The following CFLAR variants were observed in gnomAD, a reference collection of about 807,000 sequenced individuals.
CFLAR encodes the protein CASP8 and FADD-like apoptosis regulator.
A neutral mutation model predicts 51.1 loss-of-function variants in CFLAR; 14 were observed. The ratio of observed to expected loss-of-function variants is 0.27; its 90% CI spans 0.18 to 0.43. CFLAR has a LOEUF of 0.43. CFLAR is among the 20% of genes least tolerant of loss of function. The pLI, the probability that CFLAR is intolerant of heterozygous loss-of-function variation, is 1.00. For synonymous variants in CFLAR, 210 were observed against 211.6 expected, an observed-to-expected ratio of 0.99 and a Z score of 0.06; for missense variants, 390 against 566.5, an observed-to-expected ratio of 0.69 and a Z score of 3.16.
chr2:201,135,204 C>G (rs2049938003), intron 3 of CFLAR, among the ~76,000 whole-genome samples: 1 of 152,162 alleles, frequency 6.6e-6, no homozygotes, highest in Non-Finnish European at 1.5e-5. Context: ...AGTTGGAAGG[C>G]CCAATATTGA....
At chr2:201,163,691 G>A in intron 9 of CFLAR, 144 bp from the exon 10 acceptor site, 1 of 1,447,136 alleles carries the variant, frequency 6.9e-7, no homozygotes, top group South Asian at 1.5e-5. Flanking sequence ...AGTTAGTTTG[G>A]ATCATTTGCT....
chr2:201,159,167 T>A (rs1183577683), intron 8 of CFLAR, among the ~76,000 whole-genome samples: 1 of 151,606 alleles, frequency 6.6e-6, no homozygotes, highest in Non-Finnish European at 1.5e-5. Flanking sequence ...TGTGAGCCAC[T>A]GGGGCTGGTT....
chr2:201,143,828 G>C (rs2125806389), intron 5 of CFLAR, among the ~76,000 whole-genome samples: 1 of 152,204 alleles, frequency 6.6e-6, no homozygotes, highest in East Asian at 1.9e-4. Context: ...CAGGCGCAGT[G>C]GCAGGCGCCT....
At chr2:201,126,094 G>A (rs2048676434) in intron 1 of CFLAR, among the ~76,000 whole-genome samples, 1 of 151,890 alleles carries the variant, frequency 6.6e-6, no homozygotes, top group Non-Finnish European at 1.5e-5. Flanking sequence ...TTAAGAGTCC[G>A]TTTATTTAGC....
rs975196372 is a variant in CFLAR at position 201,166,482 on chromosome 2, G to A, written c.*2509G>A. On this transcript the variant is annotated 3_prime_UTR_variant, in exon 10 of 10. Coordinates refer to ENST00000309955, the MANE Select transcript of CFLAR (RefSeq NM_003879.7). ...AGAGAAGCTCCTCACATCCCAGACG[G>A]GGGGGCGGGGCAGAGGCGCTCCCCA... 1.7e-5 allele frequency: 3 copies of A among 172,160 alleles called. No individual in the cohort carries two copies. Among genetic ancestry groups the A allele is most frequent in the Non-Finnish European group, 3.7e-5 (3 of 80,412 alleles). The allele number at this position is 172,160 out of a possible 1,614,324, so 10.7% of individuals were successfully genotyped here. A position where few individuals can be genotyped will look rare whatever the true frequency, so the allele number is the denominator to read the frequency against.
chr2:201,130,187 G>GGGGGGGGGT, intron 2 of CFLAR, 41 bp downstream of exon 2: 1 of 292,394 alleles, frequency 3.4e-6, no homozygotes. Flanking sequence ...GGGTGGGAGG[G>GGGGGGGGGT]AGTGAAGTGT....
chr2:201,123,740 CTGT>C (rs2048414397), intron 1 of CFLAR, among the ~76,000 whole-genome samples: 1 of 152,176 alleles, frequency 6.6e-6, no homozygotes, highest in African/African-American at 2.4e-5. Context: ...CTGGGATCAT[CTGT>C]TGTTCTGCAC....
chr2:201,132,969 A>C, intron 2 of CFLAR, 60 bp from the exon 3 acceptor site: 1 of 1,568,424 alleles, frequency 6.4e-7, no homozygotes, highest in South Asian at 1.1e-5. Flanking sequence ...AGGCGTGGGC[A>C]CTTGGAGTTG....
intron 9 of CFLAR, among the ~76,000 whole-genome samples, chr2:201,161,472 GGC>G: frequency 6.8e-6 from 1 of 146,472 alleles, no homozygotes; most frequent in Non-Finnish European, 1.5e-5. Context: ...GGAGTGCATT[GGC>G]GCAATCTTGG....
At chr2:201,155,848 C>G (rs978006807) in intron 8 of CFLAR, among the ~76,000 whole-genome samples, 3 of 152,062 alleles carry the variant, frequency 2.0e-5, no homozygotes, top group African/African-American at 7.2e-5. Context: ...TGGTCTCAAA[C>G]TTCTGGGCTG....
intron 2 of CFLAR, among the ~76,000 whole-genome samples, chr2:201,130,557 G>C (rs2049194444): frequency 6.6e-6 from 1 of 151,412 alleles, no homozygotes; most frequent in African/African-American, 2.4e-5. Flanking sequence ...GTGGAGACGG[G>C]GTTTCACCAT....
rs1183161052 is a variant in CFLAR at position 201,138,971 on chromosome 2, C to T, written c.524-1386C>T. On this transcript the variant is annotated intron_variant, in intron 4 of 9. Transcript: ENST00000309955. This position sits in a 1 kb window ranked among gnomAD's most constrained non-coding sequence, Gnocchi z 4.0. Reference sequence around the variant, plus strand: ...AATCAAGAAGTCGTTGTAGGTGAGTCCCTGGTCACTGGCGAAGAGCTGCTG... The same window carrying T: ...AATCAAGAAGTCGTTGTAGGTGAGTTCCTGGTCACTGGCGAAGAGCTGCTG... 2.4e-5 allele frequency: 14 copies of T among 575,496 alleles called. No homozygotes were observed. Among genetic ancestry groups the T allele is most frequent in the Non-Finnish European group, 4.4e-5 (13 of 298,600 alleles). 35.6% of individuals were successfully genotyped at this position (575,496 alleles called of 1,614,324 possible).
intron 4 of CFLAR, 179 bp downstream of exon 4, chr2:201,136,286 G>A: frequency 6.3e-7 from 1 of 1,599,762 alleles, no homozygotes; most frequent in Non-Finnish European, 8.5e-7. Flanking sequence ...TCCCAGATCT[G>A]CCAACTCCAT....
rs766018716 is a variant in CFLAR at position 201,148,727 on chromosome 2, TC to T, written c.662-274del. 5.7e-5 allele frequency: 20 copies of T among 353,950 alleles called. No individual in the cohort carries two copies. The South Asian group carries it at 5.7e-4, about 10-fold the overall frequency. The allele number at this position is 353,950 out of a possible 1,614,324, so 21.9% of individuals were successfully genotyped here. A position where few individuals can be genotyped will look rare whatever the true frequency, so the allele number is the denominator to read the frequency against. On this transcript the variant is annotated intron_variant, in intron 6 of 9. Coordinates refer to ENST00000309955, the MANE Select transcript of CFLAR (RefSeq NM_003879.7). ...AGTTAAAAACTCACCAGCCACCTGT[TC>T]CTCACCTAGAACGGGGTAGGGGAGA...
intron 8 of CFLAR, chr2:201,154,150 G>T: frequency 3.5e-6 from 1 of 285,520 alleles, no homozygotes; most frequent in Non-Finnish European, 7.0e-6. Context: ...GGAGTGCAAT[G>T]GCGCAATCTC....
At chr2:201,139,744 T>G (rs1005877008) in intron 4 of CFLAR, 1 of 153,050 alleles carries the variant, frequency 6.5e-6, no homozygotes, top group Non-Finnish European at 1.5e-5. Flanking sequence ...TCCACTATTA[T>G]TCTATGACCC....
chr2:201,152,724 C>T (rs1941485051), intron 8 of CFLAR: 1 of 152,206 alleles, frequency 6.6e-6, no homozygotes, highest in African/African-American at 2.4e-5. Context: ...CTTGGATAAA[C>T]ACTCAAGTGG....
intron 3 of CFLAR, 94 bp downstream of exon 3, chr2:201,133,228 C>T (rs2049563935): frequency 2.3e-6 from 2 of 866,972 alleles, no homozygotes; most frequent in Middle Eastern, 3.2e-4. Flanking sequence ...GGCAGTCTGC[C>T]GCCACTATAG....
rs1944017478 is a variant in CFLAR at position 201,171,596 on chromosome 2, G to A, written c.*7623G>A. ...TTGATAGGTGCAGCAAACCACCATG[G>A]GACACGTTTACCTATGTAACAAACC... On this transcript the variant is annotated 3_prime_UTR_variant, in exon 10 of 10. Transcript: ENST00000309955. 6.6e-6 allele frequency: 1 copy of A among 151,794 alleles called. No homozygotes were observed. The highest frequency in any genetic ancestry group is 2.4e-5 in the African/African-American group (1 of 41,314). 9.4% of individuals were successfully genotyped at this position (151,794 alleles called of 1,614,324 possible). A position where few individuals can be genotyped will look rare whatever the true frequency, so the allele number is the denominator to read the frequency against.
Sources: gnomAD v4.1 joint callset for allele counts (sites outside exome capture counted in the v4.1 genomes callset) on GRCh38, gnomAD v4.1.1 for gene constraint, Gnocchi (gnomAD v3.1) non-coding constraint, MANE v1.5 for transcripts, NCBI Gene and HGNC (gene_info 2026-07-23, HGNC 2026-07-21) for gene names.